The following LEF1 variants were observed in gnomAD, a reference collection of about 807,000 sequenced individuals.
LEF1 encodes lymphoid enhancer-binding factor 1.
In LEF1, 14 loss-of-function variants were observed where a neutral mutation model predicts 51.2. That is an observed-to-expected ratio of 0.27 (90% CI 0.18 to 0.43). The LOEUF (loss-of-function observed/expected upper bound fraction) is 0.43, where lower values mean the gene tolerates loss of function less well. Among genes scored for constraint, LEF1 ranks in the 20% least tolerant of loss-of-function variants. The pLI, the probability that LEF1 is intolerant of heterozygous loss-of-function variation, is 1.00. For missense variants in LEF1, 386 were observed against 512.0 expected, an observed-to-expected ratio of 0.75 and a Z score of 2.37; for synonymous variants, 185 against 183.2, an observed-to-expected ratio of 1.01 and a Z score of -0.08.
At position 108,081,626 on chromosome 4, in the gene LEF1, G is replaced by T; in HGVS notation, c.682C>A (p.Pro228Thr). The change falls in exon 6 of 12, where the codon CCC (proline) becomes ACC (threonine). Residue 228 changes from proline (P) to threonine (T), a missense_variant. Pro to Thr is a conservative substitution (Grantham distance 38). This residue lies in a region of LEF1 where 335 missense variants were observed against 390.7 expected (regional missense o/e 0.86). Transcript: ENST00000265165. ...TCGACTGACAGTGAGGATGGGTAGG[G>T]TTGCCTGAATCCACCCGTGATGGGA... ...VYPITGGFRQ[P>T]YPSSLSVDTS... 6.2e-7 allele frequency: 1 copy of T among 1,614,106 alleles called. No individual in the cohort carries two copies. Among genetic ancestry groups the T allele is most frequent in the Admixed American group, 1.7e-5 (1 of 60,010 alleles).
intron 3 of LEF1, among the ~76,000 whole-genome samples, chr4:108,098,666 G>A (rs1415708804): frequency 6.6e-6 from 1 of 152,030 alleles, no homozygotes; most frequent in African/African-American, 2.4e-5. Context: ...TTTAATAAGT[G>A]CCATATATAT....
intron 3 of LEF1, among the ~76,000 whole-genome samples, chr4:108,150,180 C>T (rs552708253): frequency 4.7e-4 from 71 of 152,244 alleles, no homozygotes; most frequent in Admixed American, 4.6e-3. Flanking sequence ...AAGCACATAC[C>T]ACATTTTAAT....
chr4:108,155,297 C>G (rs746860960), intron 3 of LEF1, among the ~76,000 whole-genome samples: 1 of 152,142 alleles, frequency 6.6e-6, no homozygotes, highest in African/African-American at 2.4e-5. Flanking sequence ...TTCCCTCATA[C>G]GTCTCATTCC....
chr4:108,078,496 C>T (rs749337492), intron 7 of LEF1, 114 bp from the exon 8 acceptor site: 2 of 1,332,680 alleles, frequency 1.5e-6, no homozygotes, highest in South Asian at 2.4e-5. Flanking sequence ...ATGGCGACAA[C>T]CCTCTCACCC....
chr4:108,111,862 C>T (rs1270197092), intron 3 of LEF1, among the ~76,000 whole-genome samples: 5 of 152,166 alleles, frequency 3.3e-5, no homozygotes, highest in Admixed American at 6.5e-5. Flanking sequence ...GCTGTGATTG[C>T]GCCACTGTAC....
Position 108,048,479 on chromosome 4 carries a change from CAT to C in LEF1, c.*277_*278del, listed in dbSNP as rs1736763627. 2.5e-6 allele frequency: 1 copy of C among 405,974 alleles called. No homozygotes were observed. The highest frequency in any genetic ancestry group is 8.5e-5 in the South Asian group (1 of 11,794). 25.1% of individuals were successfully genotyped at this position (405,974 alleles called of 1,614,324 possible). On this transcript the variant is annotated 3_prime_UTR_variant, in exon 12 of 12. Transcript: ENST00000265165. ...CTGCCCCACAGCCTGCTAGCATTCT[CAT>C]GTGCTTTTACATTTCCTTTTAAAAA...
intron 9 of LEF1, among the ~76,000 whole-genome samples, chr4:108,067,473 A>T (rs1240650665): frequency 6.6e-6 from 1 of 152,120 alleles, no homozygotes; most frequent in Non-Finnish European, 1.5e-5. Flanking sequence ...GAGGAAGATT[A>T]GCTCTCCCCC....
rs554786929 is a variant in LEF1 at position 108,087,431 on chromosome 4, A to T, written c.547+1694T>A. ...CGGTAGTTTTGGAGAGTTTTTTTTT[A>T]AAAAAAGTTTGAGAAGCAATGATAT... On this transcript the variant is annotated intron_variant, in intron 4 of 11. Coordinates refer to ENST00000265165, the MANE Select transcript of LEF1 (RefSeq NM_016269.5). 1.7e-3 allele frequency among the ~76,000 whole-genome samples: 255 copies of T among 152,092 alleles called. 1 individual carries two copies. The highest frequency in any genetic ancestry group is 5.8e-3 in the African/African-American group (241 of 41,510).
intron 3 of LEF1, among the ~76,000 whole-genome samples, chr4:108,095,959 T>C (rs181651778): frequency 1.4e-4 from 21 of 152,280 alleles, no homozygotes; most frequent in Admixed American, 1.3e-3. Flanking sequence ...TATTATTTGA[T>C]TGATTTCACA....
intron 8 of LEF1, among the ~76,000 whole-genome samples, chr4:108,077,278 C>T (rs373207382): frequency 1.3e-5 from 2 of 152,178 alleles, no homozygotes; most frequent in African/African-American, 4.8e-5. Flanking sequence ...AGGAGTGCCT[C>T]TGCCTGGCCG....
intron 3 of LEF1, among the ~76,000 whole-genome samples, chr4:108,118,215 T>C (rs1447965264): frequency 6.6e-6 from 1 of 152,230 alleles, no homozygotes; most frequent in Non-Finnish European, 1.5e-5. Flanking sequence ...TTCCATTGCA[T>C]TGTTTTCTAA....
intron 3 of LEF1, among the ~76,000 whole-genome samples, chr4:108,115,685 G>GA (rs1290205988): frequency 1.3e-5 from 2 of 152,064 alleles, no homozygotes; most frequent in Non-Finnish European, 2.9e-5. Flanking sequence ...TACAGCATGA[G>GA]AAAAAAGAAT....
At chr4:108,093,053 G>A in intron 3 of LEF1, among the ~76,000 whole-genome samples, 1 of 151,398 alleles carries the variant, frequency 6.6e-6, no homozygotes, top group Non-Finnish European at 1.5e-5. Flanking sequence ...TTATGTTTAA[G>A]CTCTAAGAAA....
chr4:108,051,091 G>A (rs997431740), intron 11 of LEF1, among the ~76,000 whole-genome samples: 2 of 152,312 alleles, frequency 1.3e-5, no homozygotes, highest in South Asian at 2.1e-4. Context: ...CCAAGAAAGA[G>A]TCTATATCTC....
intron 3 of LEF1, among the ~76,000 whole-genome samples, chr4:108,105,020 C>T (rs1741064458): frequency 6.6e-6 from 1 of 152,138 alleles, no homozygotes; most frequent in Admixed American, 6.6e-5. Flanking sequence ...TCTAAAATCA[C>T]AGGCATGAGC....
rs1223503590 is a variant in LEF1, at chr4:108,168,601, C to T, written c.-834G>A. On this transcript the variant is annotated 5_prime_UTR_variant, in exon 1 of 12. Coordinates refer to ENST00000265165, the MANE Select transcript of LEF1 (RefSeq NM_016269.5). The surrounding 1 kb of genome is among the most constrained non-coding windows in gnomAD (Gnocchi z 4.6). ...CGCAGTGGAGGGCACTGCGGAGTCT[C>T]GGGGAGTCACAGCGGGGGCCTCGGG... The T allele has an allele frequency of 6.6e-6, 1 of 152,040 alleles. No individual in the cohort carries two copies. Among genetic ancestry groups the T allele is most frequent in the Non-Finnish European group, 1.5e-5 (1 of 68,032 alleles). The allele number at this position is 152,040 out of a possible 1,614,324, so 9.4% of individuals were successfully genotyped here.
chr4:108,149,465 A>T (rs1744219612), intron 3 of LEF1, among the ~76,000 whole-genome samples: 1 of 148,432 alleles, frequency 6.7e-6, no homozygotes, highest in African/African-American at 2.5e-5. Flanking sequence ...TCTCAAAAAA[A>T]AAAAAAAAAA....
chr4:108,059,858 T>C (rs1737557618), intron 11 of LEF1, among the ~76,000 whole-genome samples: 1 of 152,140 alleles, frequency 6.6e-6, no homozygotes, highest in African/African-American at 2.4e-5. Context: ...CGCACGCAGC[T>C]AATTTTTGTA....
chr4:108,119,429 A>G (rs1055234458), intron 3 of LEF1, among the ~76,000 whole-genome samples: 2 of 152,094 alleles, frequency 1.3e-5, no homozygotes, highest in Non-Finnish European at 2.9e-5. Context: ...AGTCCATATT[A>G]CATATTGAAC....
Sources: allele counts gnomAD v4.1 joint callset (sites outside exome capture counted in the v4.1 genomes callset), GRCh38; gene constraint gnomAD v4.1.1; regional missense constraint gnomAD v4.1.1; non-coding constraint Gnocchi (gnomAD v3.1); transcripts MANE v1.5; gene names NCBI Gene and HGNC (gene_info 2026-07-23, HGNC 2026-07-21).